FBXL17: variants seen among roughly 807,000 people sequenced by gnomAD.
FBXL17 encodes F-box/LRR-repeat protein 17.
In FBXL17, 22 loss-of-function variants were observed where a neutral mutation model predicts 66.2. The observed-to-expected ratio is 0.33, with a 90% CI of 0.24 to 0.47. The LOEUF is 0.47. FBXL17 is among the 20% of genes least tolerant of loss of function. The probability of loss-of-function intolerance (pLI) is 1.00; values close to 1 mark genes in which losing one functional copy is unlikely to be tolerated. For missense variants in FBXL17, 878 were observed against 948.2 expected (o/e 0.93, Z 0.97); for synonymous variants, 474 against 400.5 (o/e 1.18, Z -2.19).
intron 4 of FBXL17, among the ~76,000 whole-genome samples, chr5:108,230,728 T>TAA (rs5870308): frequency 0.063 from 7,894 of 125,694 alleles, 708 homozygotes; most frequent in African/African-American, 0.21. Flanking sequence ...GAAATAAATT[T>TAA]AAAAAAAAAA....
chr5:108,292,833 C>T (rs1053899110), intron 4 of FBXL17, among the ~76,000 whole-genome samples: 1 of 152,106 alleles, frequency 6.6e-6, no homozygotes, highest in Non-Finnish European at 1.5e-5. Context: ...GGCGTGGTGG[C>T]TTACGCCTGT....
chr5:107,985,855 G>C (rs1411094084), intron 7 of FBXL17, among the ~76,000 whole-genome samples: 1 of 152,126 alleles, frequency 6.6e-6, no homozygotes, highest in Non-Finnish European at 1.5e-5. Context: ...CCAGTGTGTG[G>C]GTAGAAAGTA....
rs139228788 is a variant in FBXL17, at chr5:108,150,613, T to C, written c.1745+35504A>G. ...TTTTTGCTCTTGTGTTTCATCACAA[T>C]GACAATTTTGAAGAATCTGTATCAG... On this transcript the variant is annotated intron_variant, in intron 6 of 8. Transcript: ENST00000542267. Among the ~76,000 whole-genome samples the C allele has an allele frequency of 4.5e-3, 691 of 152,344 alleles. 6 individuals are homozygous for C. Among genetic ancestry groups the C allele is most frequent in the African/African-American group, 0.016 (661 of 41,578 alleles).
intron 8 of FBXL17, chr5:107,878,729 T>A (rs1748690272): frequency 1.0e-6 from 1 of 985,340 alleles, no homozygotes; most frequent in Non-Finnish European, 1.2e-6. Context: ...CAAGCAGGCT[T>A]TTCTGTGCAA....
chr5:107,918,261 A>G (rs921533179), intron 7 of FBXL17, among the ~76,000 whole-genome samples: 2 of 152,234 alleles, frequency 1.3e-5, no homozygotes, highest in Non-Finnish European at 2.9e-5. Flanking sequence ...TGGCAAAACC[A>G]GAAGTGATTC....
intron 7 of FBXL17, among the ~76,000 whole-genome samples, chr5:108,020,472 T>C (rs1210174450): frequency 6.6e-6 from 1 of 151,986 alleles, no homozygotes; most frequent in Non-Finnish European, 1.5e-5. Flanking sequence ...CAAATGGACA[T>C]TCCCAATGCT....
intron 4 of FBXL17, among the ~76,000 whole-genome samples, chr5:108,227,495 G>A (rs906692281): frequency 1.3e-5 from 2 of 152,174 alleles, no homozygotes; most frequent in Admixed American, 6.6e-5. Context: ...GTCAAGATGA[G>A]ATCGACAAAT....
chr5:107,996,593 C>G (rs533652114), intron 7 of FBXL17, among the ~76,000 whole-genome samples: 1 of 152,320 alleles, frequency 6.6e-6, no homozygotes, highest in South Asian at 2.1e-4. Context: ...GGAATACAGG[C>G]ATGAGCCACA....
rs973311952 is a variant in FBXL17, at chr5:108,381,296, GGCGGCA to G, written c.390_395del (p.Ala131_Ala132del). The stretch of plus-strand genomic sequence containing the variant: ...AGCAGGAGGCGGGCGACGAAGCCGA[GGCGGCA>G]GCGGCGGCGGCGGCGGCGGCCGAGG... On this transcript the variant is annotated inframe_deletion, in exon 1 of 9. Transcript: ENST00000542267. 9 of 1,404,530 alleles carry G rather than the reference GGCGGCA, an allele frequency of 6.4e-6. No individual in the cohort carries two copies. The highest frequency in any genetic ancestry group is 2.4e-4 in the Middle Eastern group (1 of 4,220). The allele number at this position is 1,404,530 out of a possible 1,614,324, so 87.0% of individuals were successfully genotyped here. A position where few individuals can be genotyped will look rare whatever the true frequency, so the allele number is the denominator to read the frequency against.
At chr5:108,227,310 T>A (rs1043223205) in intron 4 of FBXL17, among the ~76,000 whole-genome samples, 1 of 152,166 alleles carries the variant, frequency 6.6e-6, no homozygotes, top group Admixed American at 6.6e-5. Flanking sequence ...TTTAAATGAA[T>A]GGCAGAATAA....
At chr5:107,977,743 C>T (rs1374974921) in intron 7 of FBXL17, among the ~76,000 whole-genome samples, 1 of 152,176 alleles carries the variant, frequency 6.6e-6, no homozygotes, top group Non-Finnish European at 1.5e-5. Context: ...TAACTTTCAT[C>T]AGATAATGAC....
At chr5:107,988,783 GT>G (rs973755328) in intron 7 of FBXL17, among the ~76,000 whole-genome samples, 119 of 152,122 alleles carry the variant, frequency 7.8e-4, no homozygotes, top group African/African-American at 2.8e-3. Flanking sequence ...ATGATCTGAT[GT>G]TTTGTTTAGC....
chr5:107,877,238 C>T (rs996565225), intron 8 of FBXL17, among the ~76,000 whole-genome samples: 2 of 152,182 alleles, frequency 1.3e-5, no homozygotes, highest in South Asian at 2.1e-4. Context: ...CATTGTTGCA[C>T]GACTGGAGGA....
intron 6 of FBXL17, among the ~76,000 whole-genome samples, chr5:108,024,272 A>C (rs553443883): frequency 1.3e-5 from 2 of 152,314 alleles, no homozygotes; most frequent in African/African-American, 4.8e-5. Context: ...ATAGTGGATA[A>C]ATGCTGAGGA....
chr5:108,374,489 T>C (rs969385069), intron 1 of FBXL17, among the ~76,000 whole-genome samples: 5 of 152,098 alleles, frequency 3.3e-5, no homozygotes, highest in African/African-American at 1.2e-4. Context: ...CTGGGCAACA[T>C]GGCAAAACTC....
intron 4 of FBXL17, among the ~76,000 whole-genome samples, chr5:108,307,509 T>C (rs1234561342): frequency 6.6e-6 from 1 of 152,072 alleles, no homozygotes; most frequent in African/African-American, 2.4e-5. Context: ...GGTCTCACTA[T>C]ATTGCCCTGG....
intron 2 of FBXL17, among the ~76,000 whole-genome samples, chr5:108,366,591 G>C (rs1033987232): frequency 2.0e-5 from 3 of 151,890 alleles, no homozygotes; most frequent in African/African-American, 7.3e-5. Context: ...GGGTGGGGGA[G>C]GAAGCTATTA....
chr5:108,297,773 A>G, intron 4 of FBXL17: 1 of 718,892 alleles, frequency 1.4e-6, no homozygotes, highest in Non-Finnish European at 1.7e-6. Flanking sequence ...AAATTAAGAA[A>G]TAATTTTAAG....
At position 108,095,585 on chromosome 5, in the gene FBXL17, T is replaced by A. The variant is rs537642538; in HGVS notation, c.1746-74584A>T. On this transcript the variant is annotated intron_variant, in intron 6 of 8. Coordinates refer to ENST00000542267, the MANE Select transcript of FBXL17 (RefSeq NM_001163315.3). ...ATCTGTTTTGATAATTTATTGACAA[T>A]TTAGATAATTTTTGATTCTTCAACA... is the stretch of plus-strand genomic sequence containing the variant. 9.2e-5 allele frequency among the ~76,000 whole-genome samples: 14 copies of A among 152,248 alleles called. No individual in the cohort carries two copies. In the East Asian group the frequency reaches 2.7e-3, roughly 29 times the overall value.
Sources: allele counts gnomAD v4.1 joint callset (sites outside exome capture counted in the v4.1 genomes callset), GRCh38; gene constraint gnomAD v4.1.1; transcripts MANE v1.5; gene names NCBI Gene and HGNC (gene_info 2026-07-23, HGNC 2026-07-21).